Variants in MMP7 observed in about 807,000 individuals in gnomAD.
MMP7 encodes matrix metallopeptidase 7.
MMP7 carries 26 observed loss-of-function variants against 31.5 expected under a neutral mutation model. That is an observed-to-expected ratio of 0.83 (90% CI 0.61 to 1.15). MMP7 has a LOEUF of 1.15. Ranked by LOEUF, MMP7 falls within the 50% of genes most tolerant of loss-of-function variation. The pLI, the probability that MMP7 is intolerant of heterozygous loss-of-function variation, is 0.00. For synonymous variants in MMP7, 142 were observed against 124.2 expected (o/e 1.14, Z -0.95); for missense variants, 367 against 326.5 (o/e 1.12, Z -0.96).
chr11:102,528,823 C>T (rs1000909777), intron 1 of MMP7, among the ~76,000 whole-genome samples: 3 of 152,194 alleles, frequency 2.0e-5, no homozygotes, highest in Admixed American at 6.5e-5. Flanking sequence ...GAACTAACAA[C>T]AATAGCAACC....
chr11:102,527,675 A>G lies in MMP7; in HGVS notation c.336-3T>C, dbSNP rs1477391887. The G allele has an allele frequency of 4.3e-6, 7 of 1,613,306 alleles. No homozygotes were observed. In the African/African-American group the frequency reaches 8.0e-5, roughly 18 times the overall value. On this transcript the variant is annotated splice_region_variant and splice_polypyrimidine_tract_variant and intron_variant, in intron 2 of 5. Coordinates refer to ENST00000260227, the MANE Select transcript of MMP7 (RefSeq NM_002423.5). ...AGTCTCGAGTATATGATACGATCCT[A>G]GTAGCAAACAAGAAAACAATGTTTG... is the stretch of plus-strand genomic sequence containing the variant.
chr11:102,523,455 G>T, intron 4 of MMP7, 54 bp from the exon 5 acceptor site: 1 of 1,391,326 alleles, frequency 7.2e-7, no homozygotes, highest in Non-Finnish European at 9.7e-7. Context: ...CATACATTAT[G>T]TAATATTATA....
At position 102,525,179 on chromosome 11, in the gene MMP7, G is replaced by C. The variant is rs1565375457; in HGVS notation, c.485-115C>G. 5.3e-6 allele frequency: 7 copies of C among 1,312,950 alleles called. No individual in the cohort carries two copies. The East Asian group carries it at 7.9e-5, about 15-fold the overall frequency. The allele number at this position is 1,312,950 out of a possible 1,614,324, so 81.3% of individuals were successfully genotyped here. A position where few individuals can be genotyped will look rare whatever the true frequency, so the allele number is the denominator to read the frequency against. ...GAAAAAGCAGCCCAGTCCAGGCCAG[G>C]CATGGTGGCTCACTTTGCGAGGCCG... On this transcript the variant is annotated intron_variant, in intron 3 of 5. Coordinates refer to ENST00000260227, the MANE Select transcript of MMP7 (RefSeq NM_002423.5).
At chr11:102,520,847 G>A in intron 5 of MMP7, 43 bp from the exon 6 acceptor site, 1 of 1,317,318 alleles carries the variant, frequency 7.6e-7, no homozygotes, top group Non-Finnish European at 1.1e-6. Flanking sequence ...TGTAGAAAAT[G>A]CATAAAAACC....
At chr11:102,528,497 G>A (rs539149162) in intron 1 of MMP7, among the ~76,000 whole-genome samples, 16 of 152,272 alleles carry the variant, frequency 1.1e-4, no homozygotes, top group African/African-American at 3.6e-4. Flanking sequence ...TTAATAATCC[G>A]GTGAAGGAAC....
In MMP7 at chr11:102,527,583, AGGG is replaced by A; in HGVS notation, c.422_424del (p.Pro141del). 3 of 1,614,204 alleles carry A rather than the reference AGGG, an allele frequency of 1.9e-6. No homozygotes were observed. The highest frequency in any genetic ancestry group is 2.5e-6 in the Non-Finnish European group (3 of 1,180,018). On this transcript the variant is annotated inframe_deletion, in exon 3 of 6. Coordinates refer to ENST00000260227, the MANE Select transcript of MMP7 (RefSeq NM_002423.5). ...TCCCCATACAACTTTCCTGAAATGCAGGGGGATCTCTTTGCCCCACATGTTTAA... is the reference window on the plus strand; with the variant it reads ...TCCCCATACAACTTTCCTGAAATGCAGGATCTCTTTGCCCCACATGTTTAA...
Position 102,520,765 on chromosome 11 carries a change from G to C in MMP7, c.*11C>G, listed in dbSNP as rs182425843. ...CAATGAATGAATGAATGGATGTTCTGCCTGAAGTTTCTATTTCTTTCTTGA... is the reference window on the plus strand; with the variant it reads ...CAATGAATGAATGAATGGATGTTCTCCCTGAAGTTTCTATTTCTTTCTTGA... On this transcript the variant is annotated 3_prime_UTR_variant, in exon 6 of 6. Coordinates refer to ENST00000260227, the MANE Select transcript of MMP7 (RefSeq NM_002423.5). 2.6e-5 allele frequency: 41 copies of C among 1,561,076 alleles called. No homozygotes were observed. The highest frequency in any genetic ancestry group is 3.6e-5 in the Non-Finnish European group (41 of 1,143,500).
At chr11:102,526,837 C>T (rs1410544575) in intron 3 of MMP7, 1 of 152,296 alleles carries the variant, frequency 6.6e-6, no homozygotes, top group Non-Finnish European at 1.5e-5. Context: ...AATGTCATAG[C>T]TCAATACATT....
intron 1 of MMP7, among the ~76,000 whole-genome samples, chr11:102,529,318 C>G (rs1198212273): frequency 6.6e-6 from 1 of 152,094 alleles, no homozygotes; most frequent in Non-Finnish European, 1.5e-5. Context: ...AACAAATAAC[C>G]CATTTAATCC....
intron 3 of MMP7, among the ~76,000 whole-genome samples, chr11:102,525,559 C>T (rs958920593): frequency 6.6e-6 from 1 of 151,994 alleles, no homozygotes; most frequent in Non-Finnish European, 1.5e-5. Context: ...GACACTTTTC[C>T]TTTCACAGAA....
intron 3 of MMP7, among the ~76,000 whole-genome samples, chr11:102,526,240 A>ATATTTTT (rs1437244210): frequency 1.3e-3 from 173 of 131,458 alleles, no homozygotes; most frequent in African/African-American, 4.6e-3. Context: ...ATATATATAT[A>ATATTTTT]TTTTTTTTTT....
intron 5 of MMP7, among the ~76,000 whole-genome samples, chr11:102,522,899 G>A (rs949453213): frequency 1.3e-5 from 2 of 152,244 alleles, no homozygotes. Context: ...AAGGTGTTTT[G>A]TCCCTTCAGT....
At chr11:102,524,795 A>T (rs1858649748) in intron 4 of MMP7, 141 bp downstream of exon 4, 2 of 854,338 alleles carry the variant, frequency 2.3e-6, no homozygotes, top group South Asian at 5.9e-5. Context: ...TACATGAAAT[A>T]ATGCATTTCA....
chr11:102,521,060 G>A (rs1451666239), intron 5 of MMP7, among the ~76,000 whole-genome samples: 2 of 152,264 alleles, frequency 1.3e-5, no homozygotes, highest in African/African-American at 2.4e-5. Context: ...ACCTTAGGTA[G>A]TTTACTACTT....
chr11:102,528,353 G>C (rs1280677511), intron 1 of MMP7, among the ~76,000 whole-genome samples: 3 of 152,174 alleles, frequency 2.0e-5, no homozygotes, highest in Non-Finnish European at 2.9e-5. Flanking sequence ...TGTTATCATA[G>C]ACCCTGTGGG....
At chr11:102,527,410 A>G (rs982478971) in intron 3 of MMP7, 114 bp downstream of exon 3, 4 of 1,253,288 alleles carry the variant, frequency 3.2e-6, no homozygotes, top group South Asian at 1.2e-5. Flanking sequence ...TTAACTATCT[A>G]TCTACCAATC....
chr11:102,523,972 G>T (rs985472939), intron 4 of MMP7, among the ~76,000 whole-genome samples: 1 of 152,198 alleles, frequency 6.6e-6, no homozygotes. Context: ...GCTGGGCTTT[G>T]TTTTTGATTT....
At chr11:102,526,221 A>AC (rs1298602464) in intron 3 of MMP7, among the ~76,000 whole-genome samples, 1 of 87,776 alleles carries the variant, frequency 1.1e-5, no homozygotes, top group Non-Finnish European at 2.1e-5. Flanking sequence ...ACGTAAAAAA[A>AC]AAAAATATAT....
rs770316132 is a variant in MMP7, at chr11:102,525,086, G to T, written c.485-22C>A. On this transcript the variant is annotated intron_variant, in intron 3 of 5. Transcript: ENST00000260227. Reference sequence around the variant, plus strand: ...TGAGCTGAAAGAAAATGGAGTGATTGTTCTTAGTGACTGATTTTTTTTTTC... The same window carrying T: ...TGAGCTGAAAGAAAATGGAGTGATTTTTCTTAGTGACTGATTTTTTTTTTC... 7.6e-6 allele frequency: 12 copies of T among 1,575,316 alleles called. No homozygotes were observed. The African/African-American group carries it at 1.1e-4, about 15-fold the overall frequency.
Sources: gnomAD v4.1 joint callset for allele counts (sites outside exome capture counted in the v4.1 genomes callset) on GRCh38, gnomAD v4.1.1 for gene constraint, MANE v1.5 for transcripts, NCBI Gene and HGNC (gene_info 2026-07-23, HGNC 2026-07-21) for gene names.